Variants in LINGO2 observed in about 807,000 individuals in gnomAD.
LINGO2 encodes leucine-rich repeat and immunoglobulin-like domain-containing nogo receptor-interacting protein 2.
In LINGO2, 14 loss-of-function variants were observed where a neutral mutation model predicts 30.6. The ratio of observed to expected loss-of-function variants is 0.46; its 90% CI spans 0.30 to 0.72. The LOEUF (loss-of-function observed/expected upper bound fraction) is 0.72. Among genes scored for constraint, LINGO2 ranks in the 30% least tolerant of loss-of-function variants. The pLI is 0.07. For missense variants in LINGO2, 729 were observed against 751.7 expected (o/e 0.97, Z 0.35); for synonymous variants, 317 against 288.5 (o/e 1.10, Z -1.00).
the LINGO2 span, among the ~76,000 whole-genome samples, chr9:28,733,123 C>T: frequency 6.6e-6 from 1 of 152,100 alleles, no homozygotes; most frequent in Non-Finnish European, 1.5e-5. Flanking sequence ...TTGTGGTATA[C>T]ACATAGTACC....
At chr9:29,159,250 CT>C in the LINGO2 span, among the ~76,000 whole-genome samples, 16 of 152,168 alleles carry the variant, frequency 1.1e-4, no homozygotes, top group Non-Finnish European at 2.4e-4. Flanking sequence ...AGCAAATTCT[CT>C]TCCTGACCTA....
At chr9:28,918,245 C>T in the LINGO2 span, among the ~76,000 whole-genome samples, 1 of 152,056 alleles carries the variant, frequency 6.6e-6, no homozygotes, top group African/African-American at 2.4e-5. Context: ...AGCGGAAACC[C>T]CTGCATCAGA....
chr9:28,139,895 T>A (rs1360042166), intron 4 of LINGO2, among the ~76,000 whole-genome samples: 1 of 152,214 alleles, frequency 6.6e-6, no homozygotes, highest in Non-Finnish European at 1.5e-5. Context: ...GGATAACATT[T>A]AGTTTTGTGA....
At chr9:28,121,896 T>C (rs944836616) in intron 4 of LINGO2, among the ~76,000 whole-genome samples, 3 of 152,244 alleles carry the variant, frequency 2.0e-5, no homozygotes, top group Non-Finnish European at 4.4e-5. Context: ...AAAATAAATA[T>C]CTTGCAAAAA....
chr9:27,949,218 G>A, exon 6 of LINGO2: 1 of 1,614,076 alleles, frequency 6.2e-7, no homozygotes, highest in Non-Finnish European at 8.5e-7. Context: ...AGCATTGCTA[G>A]CGATGCAAAC....
At chr9:28,980,284 C>A in the LINGO2 span, among the ~76,000 whole-genome samples, 4 of 152,106 alleles carry the variant, frequency 2.6e-5, no homozygotes, top group African/African-American at 9.7e-5. Flanking sequence ...AGGCTTCTAA[C>A]TGATCTCCAT....
the LINGO2 span, among the ~76,000 whole-genome samples, chr9:28,978,367 C>T: frequency 1.3e-5 from 2 of 152,066 alleles, no homozygotes; most frequent in African/African-American, 2.4e-5. Flanking sequence ...ATTCATGCAG[C>T]ACAATTTCCT....
chr9:29,115,780 A>G, the LINGO2 span, among the ~76,000 whole-genome samples: 11 of 151,998 alleles, frequency 7.2e-5, no homozygotes, highest in African/African-American at 2.2e-4. Context: ...AATAAAATCA[A>G]TTTTCTTGGA....
chr9:28,749,824 C>T, the LINGO2 span, among the ~76,000 whole-genome samples: 1 of 151,920 alleles, frequency 6.6e-6, no homozygotes, highest in South Asian at 2.1e-4. Context: ...TAAAATAAAG[C>T]TCACAACCAA....
At chr9:28,119,447 C>T (rs1329293838) in intron 4 of LINGO2, among the ~76,000 whole-genome samples, 1 of 152,178 alleles carries the variant, frequency 6.6e-6, no homozygotes, top group African/African-American at 2.4e-5. Context: ...TATACTTGGG[C>T]AGGTTAATAC....
chr9:28,305,754 A>G (rs1007615103), intron 3 of LINGO2, among the ~76,000 whole-genome samples: 3 of 151,996 alleles, frequency 2.0e-5, no homozygotes, highest in African/African-American at 7.2e-5. Context: ...TGGGATTGTG[A>G]TTAGTCAGTT....
At chr9:29,102,143 G>A in the LINGO2 span, among the ~76,000 whole-genome samples, 1 of 151,396 alleles carries the variant, frequency 6.6e-6, no homozygotes, top group Non-Finnish European at 1.5e-5. Flanking sequence ...GAGCAGTGGC[G>A]CAATTTTGGC....
At chr9:28,497,482 G>A (rs913465110) in intron 1 of LINGO2, among the ~76,000 whole-genome samples, 4 of 152,152 alleles carry the variant, frequency 2.6e-5, no homozygotes, top group Non-Finnish European at 2.9e-5. Context: ...TCGTCATGTA[G>A]TTCTTGTGCC....
chr9:28,812,124 T>C, the LINGO2 span, among the ~76,000 whole-genome samples: 1 of 152,062 alleles, frequency 6.6e-6, no homozygotes, highest in Non-Finnish European at 1.5e-5. Context: ...AGCGTATATT[T>C]AGAATTTTAA....
At chr9:28,896,390 T>C in the LINGO2 span, among the ~76,000 whole-genome samples, 1 of 152,166 alleles carries the variant, frequency 6.6e-6, no homozygotes, top group Non-Finnish European at 1.5e-5. Flanking sequence ...ATTAGAATAT[T>C]TTCCAATATG....
rs72709376 is a variant in LINGO2, at chr9:28,319,127, A to C, written c.-245-23761T>G. 7.2e-3 allele frequency among the ~76,000 whole-genome samples: 954 copies of C among 132,350 alleles called. 4 individuals carry two copies. Among genetic ancestry groups the C allele is most frequent in the Middle Eastern group, 0.032 (7 of 218 alleles). The allele number at this position is 132,350 out of a possible 152,430, so 86.8% of individuals were successfully genotyped here. A position where few individuals can be genotyped will look rare whatever the true frequency, so the allele number is the denominator to read the frequency against. On this transcript the variant is annotated intron_variant, in intron 3 of 5. Coordinates refer to ENST00000379992, the Ensembl canonical transcript of LINGO2. The stretch of plus-strand genomic sequence containing the variant: ...ACTGCCCAGCAGACAGAAGAGAAAT[A>C]AACATTTAAAGAGTCAGGATCTACA...
At chr9:28,847,534 G>T in the LINGO2 span, among the ~76,000 whole-genome samples, 1 of 146,322 alleles carries the variant, frequency 6.8e-6, no homozygotes, top group Non-Finnish European at 1.5e-5. Context: ...TCCCCATGGA[G>T]CATATCCAAG....
intron 4 of LINGO2, among the ~76,000 whole-genome samples, chr9:28,062,198 C>A (rs1268919681): frequency 6.6e-6 from 1 of 151,994 alleles, no homozygotes; most frequent in Non-Finnish European, 1.5e-5. Flanking sequence ...ACATACCTTA[C>A]CAGATTCCCA....
At chr9:29,040,531 G>A in the LINGO2 span, among the ~76,000 whole-genome samples, 39 of 150,716 alleles carry the variant, frequency 2.6e-4, no homozygotes, top group East Asian at 7.4e-3. Flanking sequence ...TCTCTTCAAG[G>A]TATGATAGTT....
Sources: gnomAD v4.1 joint callset for allele counts (sites outside exome capture counted in the v4.1 genomes callset) on GRCh38, gnomAD v4.1.1 for gene constraint, MANE v1.5 for transcripts, NCBI Gene and HGNC (gene_info 2026-07-23, HGNC 2026-07-21) for gene names.